HFM1: variants seen among roughly 807,000 people sequenced by gnomAD.
HFM1 encodes the protein probable ATP-dependent DNA helicase HFM1.
HFM1 carries 169 observed loss-of-function variants against 192.1 expected under a neutral mutation model. The observed-to-expected ratio is 0.88, with a 90% CI of 0.78 to 1.00. The LOEUF (loss-of-function observed/expected upper bound fraction) is 1.00. Ranked by LOEUF, HFM1 falls within the 50% of genes least tolerant of loss-of-function variation. The pLI, the probability that HFM1 is intolerant of heterozygous loss-of-function variation, is 0.00. For synonymous variants in HFM1, 525 were observed against 537.8 expected, an observed-to-expected ratio of 0.98 and a Z score of 0.33; for missense variants, 1,661 against 1,668.0, an observed-to-expected ratio of 1.00 and a Z score of 0.07.
chr1:91,366,034 A>G (rs997155373), intron 13 of HFM1, among the ~76,000 whole-genome samples: 3 of 151,964 alleles, frequency 2.0e-5, no homozygotes, highest in Non-Finnish European at 4.4e-5. Context: ...CTGAAGAAAG[A>G]AGAGAGGAGA....
In HFM1 at chr1:91,404,785, C is replaced by A. The variant is rs749925084; in HGVS notation, c.-28+13G>T. 23 of 446,924 alleles carry A rather than the reference C, an allele frequency of 5.1e-5. No homozygotes were observed. Among genetic ancestry groups the A allele is most frequent in the Non-Finnish European group, 8.5e-5 (19 of 222,958 alleles). The allele number at this position is 446,924 out of a possible 1,614,324, so 27.7% of individuals were successfully genotyped here. On this transcript the variant is annotated intron_variant, in intron 1 of 38. Transcript: ENST00000370425. ...CCCACCTTCCCCGCGGGCGTCCGGGCCCCTCTCCTCACCTCCCTGCGGACA... is the reference window on the plus strand; with the variant it reads ...CCCACCTTCCCCGCGGGCGTCCGGGACCCTCTCCTCACCTCCCTGCGGACA...
At chr1:91,266,664 G>A in intron 35 of HFM1, among the ~76,000 whole-genome samples, 1 of 152,142 alleles carries the variant, frequency 6.6e-6, no homozygotes, top group East Asian at 1.9e-4. Flanking sequence ...GGGGAAAATG[G>A]CACTTATTGA....
At chr1:91,337,169 C>A (rs1334192583) in intron 20 of HFM1, among the ~76,000 whole-genome samples, 2 of 152,160 alleles carry the variant, frequency 1.3e-5, no homozygotes, top group Non-Finnish European at 2.9e-5. Context: ...GTGCAGCAAA[C>A]CACCATGCCA....
chr1:91,380,224 C>G lies in HFM1; in HGVS notation c.886G>C (p.Asp296His). The G allele has an allele frequency of 6.4e-7, 1 of 1,572,472 alleles. No individual in the cohort carries two copies. The highest frequency in any genetic ancestry group is 8.7e-7 in the Non-Finnish European group (1 of 1,155,580). ...GGAGCACAAATCACAAAATTCCTATCTGTGTAAAGAAGCTAAAAAATAAAA... is the reference window on the plus strand; with the variant it reads ...GGAGCACAAATCACAAAATTCCTATGTGTGTAAAGAAGCTAAAAAATAAAA... ...SKAFDDLLYTDRNFVICAPTG... is the reference protein window; with the variant it reads ...SKAFDDLLYTHRNFVICAPTG... Residue 296 changes from aspartate to histidine, a missense_variant, in exon 8 of 39, where the codon GAT becomes CAT. Asp to His is a moderately conservative substitution (Grantham distance 81). Coordinates refer to ENST00000370425, the MANE Select transcript of HFM1 (RefSeq NM_001017975.6).
In HFM1 at chr1:91,276,634, A is replaced by T. The variant is rs138640975; in HGVS notation, c.3582T>A (p.Arg1194=). ...AAATGTTATTAAAACTAACCTTCAGACGTTTAACTGGAGGAACAGATGAAA... is the reference window on the plus strand; with the variant it reads ...AAATGTTATTAAAACTAACCTTCAGTCGTTTAACTGGAGGAACAGATGAAA... ...NAVSSVPPVK[R]LKIQMNKSQS... Residue 1194 remains arginine (R), a synonymous_variant, in exon 32 of 39, where the codon CGT becomes CGA. Coordinates refer to ENST00000370425, the MANE Select transcript of HFM1 (RefSeq NM_001017975.6). The T allele has an allele frequency of 2.1e-6, 3 of 1,462,150 alleles. No individual in the cohort carries two copies. Among genetic ancestry groups the T allele is most frequent in the South Asian group, 2.5e-5 (2 of 79,610 alleles). The allele number at this position is 1,462,150 out of a possible 1,614,324, so 90.6% of individuals were successfully genotyped here.
rs1657108855 is a variant in HFM1 at position 91,352,662 on chromosome 1, T to A, written c.1832-11A>T. The A allele has an allele frequency of 6.4e-7, 1 of 1,571,282 alleles. No homozygotes were observed. The highest frequency in any genetic ancestry group is 1.9e-5 in the Admixed American group (1 of 51,406). On this transcript the variant is annotated splice_polypyrimidine_tract_variant and intron_variant, in intron 15 of 38. Transcript: ENST00000370425. ...AAGTACTGGTAGTAACTGCATCAGA[T>A]TAAGACATAGTAATTTTGAGCCATT... is the stretch of plus-strand genomic sequence containing the variant.
chr1:91,387,683 G>A (rs533273475), intron 4 of HFM1, among the ~76,000 whole-genome samples: 323 of 142,624 alleles, frequency 2.3e-3, no homozygotes, highest in African/African-American at 7.9e-3. Context: ...ACCAAACACC[G>A]CATATTCTCA....
chr1:91,381,804 A>G (rs757621702), intron 6 of HFM1, among the ~76,000 whole-genome samples: 3 of 152,242 alleles, frequency 2.0e-5, no homozygotes, highest in Non-Finnish European at 4.4e-5. Flanking sequence ...GGTTAAGAAC[A>G]TATCTGAGAA....
chr1:91,287,105 G>A (rs893878617), intron 30 of HFM1, among the ~76,000 whole-genome samples: 1 of 152,196 alleles, frequency 6.6e-6, no homozygotes, highest in African/African-American at 2.4e-5. Flanking sequence ...CCACTGCCCA[G>A]GATTGCTTAG....
At position 91,316,134 on chromosome 1, in the gene HFM1, C is replaced by A. The variant is rs765341582; in HGVS notation, c.2949G>T (p.Met983Ile). The change falls in exon 27 of 39, where the codon ATG (methionine) becomes ATT (isoleucine). Residue 983 changes from methionine (M) to isoleucine (I), a missense_variant. Physicochemically the swap from Met to Ile is conservative, Grantham distance 10. Coordinates refer to ENST00000370425, the MANE Select transcript of HFM1 (RefSeq NM_001017975.6). ...CTTTAAGTTCATATTTTGGTAGATA[C>A]ATCACAGTTTCTTTTATCTGGGTTC... is the stretch of plus-strand genomic sequence containing the variant. ...PFGTQIKETV[M>I]YLPKYELKVE... 4.0e-5 allele frequency: 64 copies of A among 1,592,540 alleles called. No homozygotes were observed. The highest frequency in any genetic ancestry group is 4.7e-5 in the Non-Finnish European group (55 of 1,165,240).
At chr1:91,262,717 T>C (rs778585659) in intron 36 of HFM1, 125 bp from the exon 37 acceptor site, 6 of 600,702 alleles carry the variant, frequency 1.0e-5, no homozygotes, top group African/African-American at 1.9e-5. Context: ...ATGTAATGCA[T>C]TGTTTCTAAT....
chr1:91,339,769 G>A (rs1416174350), intron 20 of HFM1, among the ~76,000 whole-genome samples: 1 of 151,982 alleles, frequency 6.6e-6, no homozygotes, highest in Non-Finnish European at 1.5e-5. Context: ...CCTTGCTAGA[G>A]GGGTCAACAT....
At position 91,352,544 on chromosome 1, in the gene HFM1, C is replaced by G. The variant is rs1439742058; in HGVS notation, c.1939G>C (p.Asp647His). The G allele has an allele frequency of 6.2e-7, 1 of 1,608,092 alleles. No homozygotes were observed. The highest frequency in any genetic ancestry group is 1.7e-5 in the Admixed American group (1 of 59,416). ...GGLFEEYSET[D>H]ILQMIGRAGR... is the part of the protein sequence containing the mutation. ...GCTCTACCAATCATCTGTAGAATAT[C>G]TGTTTCACTGTACTCTTCAAACAGT... The change falls in exon 16 of 39, where the codon GAT (aspartate) becomes CAT (histidine). Residue 647 changes from aspartate (D) to histidine (H), a missense_variant. Transcript: ENST00000370425.
intron 20 of HFM1, chr1:91,328,292 AGGACC>A (rs1653229941): frequency 1.8e-6 from 2 of 1,109,622 alleles, no homozygotes; most frequent in African/African-American, 3.2e-5. Flanking sequence ...AAGTGGGCTT[AGGACC>A]GCCTGCCCAG....
intron 35 of HFM1, among the ~76,000 whole-genome samples, 171 bp from the exon 36 acceptor site, chr1:91,266,278 G>C (rs1228684332): frequency 6.6e-6 from 1 of 152,226 alleles, no homozygotes; most frequent in African/African-American, 2.4e-5. Flanking sequence ...ACAAGGCTAA[G>C]GGAGTAAAAC....
rs186035221 is a variant in HFM1 at position 91,272,152 on chromosome 1, T to C, written c.3772+1560A>G. Among the ~76,000 whole-genome samples, 305 of 152,244 alleles carry C rather than the reference T, an allele frequency of 2.0e-3. 4 individuals are homozygous for C. Among genetic ancestry groups the C allele is most frequent in the African/African-American group, 7.1e-3 (297 of 41,554 alleles). On this transcript the variant is annotated intron_variant, in intron 34 of 38. Coordinates refer to ENST00000370425, the MANE Select transcript of HFM1 (RefSeq NM_001017975.6). ...ACCAAAGACTAATATGTGAAAAATA[T>C]AATAAACATAATTAGTTATTACTAA...
intron 30 of HFM1, among the ~76,000 whole-genome samples, chr1:91,308,870 T>A (rs1184662845): frequency 6.6e-6 from 1 of 152,244 alleles, no homozygotes; most frequent in African/African-American, 2.4e-5. Flanking sequence ...GCTGATCATG[T>A]AAACCCCTTT....
intron 18 of HFM1, among the ~76,000 whole-genome samples, chr1:91,348,271 A>G (rs186039550): frequency 2.0e-5 from 3 of 152,316 alleles, no homozygotes; most frequent in African/African-American, 7.2e-5. Flanking sequence ...TTAAAACATG[A>G]AAAGATACCA....
chr1:91,269,679 G>A (rs1666090633), intron 34 of HFM1, among the ~76,000 whole-genome samples: 1 of 152,162 alleles, frequency 6.6e-6, no homozygotes, highest in Non-Finnish European at 1.5e-5. Flanking sequence ...TGCAATGGAA[G>A]TAAGACATAC....
Sources: allele counts gnomAD v4.1 joint callset (sites outside exome capture counted in the v4.1 genomes callset), GRCh38; gene constraint gnomAD v4.1.1; transcripts MANE v1.5; gene names NCBI Gene and HGNC (gene_info 2026-07-23, HGNC 2026-07-21).